The following ST6GALNAC3 variants were observed in gnomAD, a reference collection of about 807,000 sequenced individuals.
ST6GALNAC3 encodes the protein ST6 N-acetylgalactosaminide alpha-2,6-sialyltransferase 3, also known as alpha-N-acetylgalactosaminide alpha-2,6-sialyltransferase 3.
Under a neutral mutation model 32.7 loss-of-function variants are expected in ST6GALNAC3, and 25 were observed. The ratio of observed to expected loss-of-function variants is 0.76; its 90% CI spans 0.56 to 1.07. ST6GALNAC3 has a LOEUF of 1.07. ST6GALNAC3 is among the 50% of genes least tolerant of loss of function. The pLI is 0.00. For missense variants in ST6GALNAC3, 355 were observed against 382.4 expected (o/e 0.93, Z 0.60); for synonymous variants, 129 against 133.1 (o/e 0.97, Z 0.21).
In ST6GALNAC3 at chr1:76,280,059, T is replaced by C. The variant is rs954350714; in HGVS notation, c.19-33746T>C. 4.9e-4 allele frequency among the ~76,000 whole-genome samples: 75 copies of C among 152,216 alleles called. No homozygotes were observed. In the Middle Eastern group the frequency reaches 0.01, roughly 21 times the overall value. The stretch of plus-strand genomic sequence containing the variant: ...TTTTCTCATTTTTCGTTCTCTTATT[T>C]GTTCTTTCCTTCTCCCTCCACTTCT... On this transcript the variant is annotated intron_variant, in intron 1 of 4. Transcript: ENST00000328299.
At chr1:76,193,879 A>G (rs1311852119) in intron 1 of ST6GALNAC3, among the ~76,000 whole-genome samples, 3 of 152,182 alleles carry the variant, frequency 2.0e-5, no homozygotes, top group Non-Finnish European at 4.4e-5. Context: ...GAGAGAGTGA[A>G]CAGGTTATCT....
chr1:76,534,260 C>T (rs1455490934), intron 3 of ST6GALNAC3, among the ~76,000 whole-genome samples: 1 of 152,108 alleles, frequency 6.6e-6, no homozygotes, highest in Non-Finnish European at 1.5e-5. Flanking sequence ...CCAGACTGGT[C>T]TCAAACTCCT....
chr1:76,443,928 C>A (rs1656789666), intron 3 of ST6GALNAC3, among the ~76,000 whole-genome samples: 1 of 152,160 alleles, frequency 6.6e-6, no homozygotes, highest in Non-Finnish European at 1.5e-5. Context: ...ATTCTAATAA[C>A]TGTTAGTGCA....
At chr1:76,180,458 A>G (rs571290918) in intron 1 of ST6GALNAC3, among the ~76,000 whole-genome samples, 1 of 152,120 alleles carries the variant, frequency 6.6e-6, no homozygotes, top group African/African-American at 2.4e-5. Flanking sequence ...CGGTTCCCTT[A>G]CAAAGGCTCC....
At chr1:76,299,349 G>C (rs1660594918) in intron 1 of ST6GALNAC3, among the ~76,000 whole-genome samples, 1 of 152,002 alleles carries the variant, frequency 6.6e-6, no homozygotes, top group Non-Finnish European at 1.5e-5. Context: ...TGTGCACAAG[G>C]CTTCTGGCTT....
intron 3 of ST6GALNAC3, among the ~76,000 whole-genome samples, chr1:76,506,850 G>A (rs1661508645): frequency 1.3e-5 from 2 of 152,176 alleles, no homozygotes; most frequent in Non-Finnish European, 2.9e-5. Context: ...ATGACTGGAA[G>A]TCAATAGAAG....
intron 3 of ST6GALNAC3, among the ~76,000 whole-genome samples, chr1:76,544,018 C>G (rs910308818): frequency 6.6e-6 from 1 of 151,524 alleles, no homozygotes; most frequent in African/African-American, 2.4e-5. Flanking sequence ...CTAGATATAG[C>G]CCATGACCTC....
At chr1:76,247,803 C>T (rs1657360447) in intron 1 of ST6GALNAC3, among the ~76,000 whole-genome samples, 1 of 151,038 alleles carries the variant, frequency 6.6e-6, no homozygotes, top group South Asian at 2.1e-4. Context: ...GGCTCCCTGG[C>T]TTCATCCCCC....
chr1:76,368,172 T>G (rs1218259923), intron 2 of ST6GALNAC3, among the ~76,000 whole-genome samples: 1 of 152,146 alleles, frequency 6.6e-6, no homozygotes, highest in African/African-American at 2.4e-5. Flanking sequence ...CTGTGACAGC[T>G]AATCAACTCT....
intron 3 of ST6GALNAC3, among the ~76,000 whole-genome samples, chr1:76,525,784 T>C (rs1234765279): frequency 1.0e-5 from 1 of 95,406 alleles, no homozygotes; most frequent in African/African-American, 3.7e-5. Flanking sequence ...TGTGTGTGTG[T>C]GTGTGTGTAT....
intron 1 of ST6GALNAC3, among the ~76,000 whole-genome samples, chr1:76,285,744 T>C (rs1280426011): frequency 6.6e-6 from 1 of 151,782 alleles, no homozygotes; most frequent in Non-Finnish European, 1.5e-5. Context: ...AACCTCCTGA[T>C]AGATAGATGC....
chr1:76,465,118 A>G (rs1415619887), intron 3 of ST6GALNAC3, among the ~76,000 whole-genome samples: 2 of 152,226 alleles, frequency 1.3e-5, no homozygotes, highest in Non-Finnish European at 2.9e-5. Context: ...GAATAAATGA[A>G]CAGCATATGA....
At chr1:76,493,675 G>A (rs1429666585) in intron 3 of ST6GALNAC3, among the ~76,000 whole-genome samples, 1 of 152,010 alleles carries the variant, frequency 6.6e-6, no homozygotes, top group Non-Finnish European at 1.5e-5. Flanking sequence ...CAAATGTTGG[G>A]TCTGACTTCT....
chr1:76,206,453 G>T (rs1451407859), intron 1 of ST6GALNAC3, among the ~76,000 whole-genome samples: 2 of 152,196 alleles, frequency 1.3e-5, no homozygotes, highest in Non-Finnish European at 2.9e-5. Context: ...TTTCAGAGAT[G>T]TGAGGAATTG....
chr1:76,567,164 G>T (rs115851611), intron 3 of ST6GALNAC3, among the ~76,000 whole-genome samples: 1,893 of 152,244 alleles, frequency 0.012, 39 homozygotes, highest in African/African-American at 0.043. Context: ...TTCAGCAAAT[G>T]CCTGGATCAA....
chr1:76,083,374 G>C (rs1255513800), intron 1 of ST6GALNAC3, among the ~76,000 whole-genome samples: 3 of 152,248 alleles, frequency 2.0e-5, no homozygotes, highest in Non-Finnish European at 4.4e-5. Context: ...GGCTGGACTC[G>C]AAAGAAAGAG....
chr1:76,572,159 G>A (rs1012948438), intron 3 of ST6GALNAC3, among the ~76,000 whole-genome samples: 18 of 151,904 alleles, frequency 1.2e-4, no homozygotes, highest in African/African-American at 3.6e-4. Context: ...AGGCAAATGG[G>A]GGAATGATTG....
At chr1:76,261,012 G>A (rs1038715556) in intron 1 of ST6GALNAC3, among the ~76,000 whole-genome samples, 8 of 118,518 alleles carry the variant, frequency 6.8e-5, no homozygotes, top group Middle Eastern at 4.4e-3. Flanking sequence ...ACACACACAC[G>A]CTGTGAAATG....
chr1:76,233,496 A>T (rs1656482435), intron 1 of ST6GALNAC3, among the ~76,000 whole-genome samples: 1 of 152,212 alleles, frequency 6.6e-6, no homozygotes, highest in African/African-American at 2.4e-5. Flanking sequence ...ACAGTGAAGA[A>T]TTGTGACCTA....
Sources: allele counts gnomAD v4.1 joint callset (sites outside exome capture counted in the v4.1 genomes callset), GRCh38; gene constraint gnomAD v4.1.1; transcripts MANE v1.5; gene names NCBI Gene and HGNC (gene_info 2026-07-23, HGNC 2026-07-21).